Variants in ZNF479 observed in about 807,000 individuals in gnomAD.
The protein encoded by ZNF479 is KRAB zinc finger protein KR19.
Under a neutral mutation model 14.7 loss-of-function variants are expected in ZNF479, and 15 were observed. The observed-to-expected ratio is 1.02, with a 90% CI of 0.68 to 1.57. ZNF479 has a LOEUF of 1.57. Among genes scored for constraint, ZNF479 ranks in the 40% most tolerant of loss-of-function variants. ZNF479 has a pLI of 0.00. For synonymous variants in ZNF479, 145 were observed against 211.5 expected, an observed-to-expected ratio of 0.69 and a Z score of 2.73; for missense variants, 506 against 615.1, an observed-to-expected ratio of 0.82 and a Z score of 1.88.
chr7:57,134,873 C>T (rs1310721355), upstream of ZNF479, among the ~76,000 whole-genome samples: 2 of 151,978 alleles, frequency 1.3e-5, no homozygotes, highest in African/African-American at 4.8e-5. Context: ...TGGGGTTTCA[C>T]CATGTTGGCC....
At chr7:57,125,717 G>T (rs1583937281) in intron 3 of ZNF479, among the ~76,000 whole-genome samples, 1 of 152,020 alleles carries the variant, frequency 6.6e-6, no homozygotes, top group East Asian at 1.9e-4. Flanking sequence ...ATATTAGTGT[G>T]TCCCCAAAAG....
At chr7:57,129,557 C>G (rs1786328438) in intron 1 of ZNF479, among the ~76,000 whole-genome samples, 2 of 152,150 alleles carry the variant, frequency 1.3e-5, no homozygotes, top group South Asian at 2.1e-4. Flanking sequence ...ACAGGGACAA[C>G]AGAAGACAGT....
In ZNF479 at chr7:57,132,420, C is replaced by T. The variant is rs1043714285; in HGVS notation, c.-96G>A. ...TGAAGAGGAGAACTGCAGCTCTGGA[C>T]GCAGAGAAACACAAAGGACCCGCAA... On this transcript the variant is annotated 5_prime_UTR_variant, in exon 1 of 4. Transcript: ENST00000319636. 1.1e-5 allele frequency: 17 copies of T among 1,593,240 alleles called. No individual in the cohort carries two copies. In the East Asian group the frequency reaches 1.3e-4, roughly 13 times the overall value.
chr7:57,119,993 A>T lies in ZNF479; in HGVS notation c.1422T>A (p.Phe474Leu). ...PYTCEECGKAFNCSSTLMQHK... is the reference protein window; with the variant it reads ...PYTCEECGKALNCSSTLMQHK... Reference sequence around the variant, plus strand: ...GTTGCATAAGGGTTGAGGAGCAATTAAAGGCTTTGCCACATTCTTCACATG... The same window carrying T: ...GTTGCATAAGGGTTGAGGAGCAATTTAAGGCTTTGCCACATTCTTCACATG... The change falls in exon 4 of 4, where the codon TTT becomes TTA. Residue 474 changes from phenylalanine (F) to leucine (L), a missense_variant. This residue lies in a region of ZNF479 where 72 missense variants were observed against 97.6 expected (regional missense o/e 0.74). Transcript: ENST00000319636. The T allele has an allele frequency of 6.2e-7, 1 of 1,613,410 alleles. No individual in the cohort carries two copies. Among genetic ancestry groups the T allele is most frequent in the Non-Finnish European group, 8.5e-7 (1 of 1,179,550 alleles).
chr7:57,133,799 G>A (rs1786532741), upstream of ZNF479, among the ~76,000 whole-genome samples: 1 of 152,076 alleles, frequency 6.6e-6, no homozygotes, highest in South Asian at 2.1e-4. Context: ...CCAAGAGGCA[G>A]AGGTTGCAGT....
At chr7:57,135,973 A>ATCTCTCTCTCTC (rs57853604), upstream of ZNF479, among the ~76,000 whole-genome samples, 320 of 125,228 alleles carry the variant, frequency 2.6e-3, 9 homozygotes, top group African/African-American at 4.2e-3. Flanking sequence ...CTCTCTCTCA[A>ATCTCTCTCTCTC]TCTCTCTCTC....
chr7:57,137,253 A>T (rs1786691796), upstream of ZNF479, among the ~76,000 whole-genome samples: 1 of 152,196 alleles, frequency 6.6e-6, no homozygotes, highest in South Asian at 2.1e-4. Flanking sequence ...CTCCTGCCAC[A>T]GCCTTCCGAG....
chr7:57,134,113 G>C (rs1379928174), upstream of ZNF479, among the ~76,000 whole-genome samples: 1 of 152,148 alleles, frequency 6.6e-6, no homozygotes, highest in South Asian at 2.1e-4. Flanking sequence ...CAGAGAAACT[G>C]CATCTGGAAT....
chr7:57,131,202 C>A (rs1786402226), intron 1 of ZNF479, among the ~76,000 whole-genome samples: 1 of 151,960 alleles, frequency 6.6e-6, no homozygotes, highest in Admixed American at 6.6e-5. Flanking sequence ...TACACAAAAA[C>A]TTCATGATAT....
upstream of ZNF479, among the ~76,000 whole-genome samples, chr7:57,133,761 G>T (rs1230937172): frequency 6.6e-6 from 1 of 152,050 alleles, no homozygotes; most frequent in South Asian, 2.1e-4. Flanking sequence ...AGCTACTAGG[G>T]AGGCTGAGAC....
chr7:57,125,072 C>CA (rs951813725), intron 3 of ZNF479, among the ~76,000 whole-genome samples: 14 of 146,620 alleles, frequency 9.5e-5, no homozygotes, highest in African/African-American at 2.7e-4. Flanking sequence ...AACTCCGTCT[C>CA]AAAAAAAAAG....
chr7:57,126,703 T>C lies in ZNF479; in HGVS notation c.55A>G (p.Arg19Gly). The C allele has an allele frequency of 6.2e-7, 1 of 1,614,128 alleles. No individual in the cohort carries two copies. Among genetic ancestry groups the C allele is most frequent in the African/African-American group, 1.3e-5 (1 of 75,052 alleles). Residue 19 changes from arginine to glycine, a missense_variant, in exon 2 of 4, where the codon AGA becomes GGA. Transcript: ENST00000319636. ...AGAGAGAATTCTATAGCTATGTCTC[T>C]GAATGTCAACAGTCCCTGGAAAACA... ...GSREMGLLTF[R>G]DIAIEFSLEE...
upstream of ZNF479, among the ~76,000 whole-genome samples, chr7:57,133,498 G>A (rs1186473032): frequency 1.3e-5 from 2 of 152,262 alleles, no homozygotes; most frequent in African/African-American, 2.4e-5. Context: ...TCAAAAGGGA[G>A]GAAATCCTCT....
In ZNF479 at chr7:57,119,792, T is replaced by C; in HGVS notation, c.*48A>G. 6.8e-7 allele frequency: 1 copy of C among 1,469,122 alleles called. No homozygotes were observed. The highest frequency in any genetic ancestry group is 9.3e-7 in the Non-Finnish European group (1 of 1,078,330). The allele number at this position is 1,469,122 out of a possible 1,614,324, so 91.0% of individuals were successfully genotyped here. A position where few individuals can be genotyped will look rare whatever the true frequency, so the allele number is the denominator to read the frequency against. ...CTACATTTGTAGTGTTTTTTTCCAG[T>C]GTAAATTATTTTATGTATTATAAGG... On this transcript the variant is annotated 3_prime_UTR_variant, in exon 4 of 4. Coordinates refer to ENST00000319636, the MANE Select transcript of ZNF479 (RefSeq NM_001370129.2).
At chr7:57,130,429 C>T (rs1254905807) in intron 1 of ZNF479, among the ~76,000 whole-genome samples, 5 of 151,418 alleles carry the variant, frequency 3.3e-5, no homozygotes, top group African/African-American at 1.2e-4. Flanking sequence ...GCTGAGACCG[C>T]ACCACTGCAC....
At chr7:57,136,377 C>T (rs1440464210), upstream of ZNF479, among the ~76,000 whole-genome samples, 4 of 151,522 alleles carry the variant, frequency 2.6e-5, no homozygotes, top group East Asian at 7.8e-4. Flanking sequence ...GAGCAAGACT[C>T]CATCTCAAAA....
rs1562843507 is a variant in ZNF479 at position 57,118,339 on chromosome 7, A to G, written c.*1501T>C. Among the ~76,000 whole-genome samples, 1 of 152,228 alleles carries G rather than the reference A, an allele frequency of 6.6e-6. No individual in the cohort carries two copies. Among genetic ancestry groups the G allele is most frequent in the Admixed American group, 6.5e-5 (1 of 15,268 alleles). On this transcript the variant is annotated 3_prime_UTR_variant, in exon 4 of 4. Coordinates refer to ENST00000319636, the MANE Select transcript of ZNF479 (RefSeq NM_001370129.2). The stretch of plus-strand genomic sequence containing the variant: ...TAACTGGTCTTTACTTTAAAGGCCT[A>G]TATTTTCCAAAAGGTCTTTTTACAG...
chr7:57,128,247 A>G (rs1786266281), intron 1 of ZNF479, among the ~76,000 whole-genome samples: 2 of 152,098 alleles, frequency 1.3e-5, no homozygotes, highest in South Asian at 4.2e-4. Flanking sequence ...CCTAAATTTA[A>G]TCAAAAAGAA....
At chr7:57,130,245 C>T (rs1583943621) in intron 1 of ZNF479, among the ~76,000 whole-genome samples, 1 of 152,084 alleles carries the variant, frequency 6.6e-6, no homozygotes, top group Non-Finnish European at 1.5e-5. Context: ...GAGGCCAGGG[C>T]GGGAAGATCA....
Sources: allele counts gnomAD v4.1 joint callset (sites outside exome capture counted in the v4.1 genomes callset), GRCh38; gene constraint gnomAD v4.1.1; regional missense constraint gnomAD v4.1.1; transcripts MANE v1.5; gene names NCBI Gene and HGNC (gene_info 2026-07-23, HGNC 2026-07-21).